Variants in ATG7 observed in about 807,000 individuals in gnomAD.
ATG7 encodes autophagy related 7, also known as ubiquitin-like modifier-activating enzyme ATG7.
In ATG7, 70 loss-of-function variants were observed where a neutral mutation model predicts 82.4. That is an observed-to-expected ratio of 0.85 (90% CI 0.70 to 1.04). The LOEUF (loss-of-function observed/expected upper bound fraction) is 1.04. Ranked by LOEUF, ATG7 falls within the 50% of genes least tolerant of loss-of-function variation. The pLI is 0.00. For synonymous variants in ATG7, 287 were observed against 313.0 expected (o/e 0.92, Z 0.88); for missense variants, 792 against 864.3 (o/e 0.92, Z 1.05).
At chr3:11,293,820 C>T (rs1015563238) in intron 3 of ATG7, among the ~76,000 whole-genome samples, 2 of 151,640 alleles carry the variant, frequency 1.3e-5, no homozygotes, top group Non-Finnish European at 2.9e-5. Flanking sequence ...CACTGCACTC[C>T]AGCCTGGGCA....
rs148465448 is a variant in ATG7, at chr3:11,423,414, G to C, written c.1957-3390G>C. On this transcript the variant is annotated intron_variant, in intron 19 of 20. Coordinates refer to ENST00000693202, the MANE Select transcript of ATG7 (RefSeq NM_001349232.2). The stretch of plus-strand genomic sequence containing the variant: ...GACAGAGACACGAAGTGAGCACATG[G>C]TGTTGGAAAAATGGTATTGATTCCT... Among the ~76,000 whole-genome samples the C allele has an allele frequency of 9.0e-3, 1,377 of 152,312 alleles. 28 individuals are homozygous for C. Among genetic ancestry groups the C allele is most frequent in the African/African-American group, 0.031 (1,304 of 41,556 alleles).
chr3:11,490,318 T>G (rs1183415768), intron 20 of ATG7, among the ~76,000 whole-genome samples: 1 of 152,266 alleles, frequency 6.6e-6, no homozygotes, highest in African/African-American at 2.4e-5. Context: ...GTTTTCCATT[T>G]GCTTGGTAGA....
intron 20 of ATG7, among the ~76,000 whole-genome samples, chr3:11,485,800 T>C (rs1217504084): frequency 2.0e-5 from 3 of 152,230 alleles, no homozygotes; most frequent in Non-Finnish European, 4.4e-5. Flanking sequence ...AAATAGGGAA[T>C]CCTTTCCCCA....
At chr3:11,313,182 G>A in intron 7 of ATG7, 122 bp from the exon 8 acceptor site, 1 of 566,404 alleles carries the variant, frequency 1.8e-6, no homozygotes, top group Non-Finnish European at 3.0e-6. Flanking sequence ...TTGATAAGCT[G>A]GACAGACTTT....
At chr3:11,537,047 C>A (rs1285972224) in intron 20 of ATG7, among the ~76,000 whole-genome samples, 1 of 152,150 alleles carries the variant, frequency 6.6e-6, no homozygotes, top group African/African-American at 2.4e-5. Flanking sequence ...CGCGGACCCT[C>A]TGATGGCAGA....
At chr3:11,382,551 TCTAAACA>T (rs1442667320) in intron 19 of ATG7, among the ~76,000 whole-genome samples, 1 of 152,246 alleles carries the variant, frequency 6.6e-6, no homozygotes, top group Non-Finnish European at 1.5e-5. Flanking sequence ...TGCAGAACTT[TCTAAACA>T]GATGGTATTT....
At position 11,309,461 on chromosome 3, in the gene ATG7, T is replaced by TG. The variant is rs768949691; in HGVS notation, c.411+400_411+401insG. Among the ~76,000 whole-genome samples the TG allele has an allele frequency of 4.4e-4, 59 of 133,342 alleles. No individual in the cohort carries two copies. In the South Asian group the frequency reaches 7.0e-3, roughly 16 times the overall value. 87.5% of individuals were successfully genotyped at this position (133,342 alleles called of 152,430 possible). ...CAAAATCGCTTGTTGATTTTTTTTT[T>TG]TTGTTTTTTTAAAGACAGAAACATG... On this transcript the variant is annotated intron_variant, in intron 7 of 20. Coordinates refer to ENST00000693202, the MANE Select transcript of ATG7 (RefSeq NM_001349232.2).
At chr3:11,410,384 CTTG>C (rs1484717994) in intron 19 of ATG7, among the ~76,000 whole-genome samples, 2 of 140,418 alleles carry the variant, frequency 1.4e-5, no homozygotes, top group South Asian at 2.1e-4. Flanking sequence ...AGAAATTTGT[CTTG>C]TTGACAAATG....
chr3:11,527,114 C>T (rs1460056319), intron 20 of ATG7, among the ~76,000 whole-genome samples: 2 of 147,098 alleles, frequency 1.4e-5, no homozygotes, highest in East Asian at 2.0e-4. Flanking sequence ...CATATACACA[C>T]ATTTTTTTGA....
chr3:11,527,131 G>T (rs528670801), intron 20 of ATG7, among the ~76,000 whole-genome samples: 1 of 150,360 alleles, frequency 6.7e-6, no homozygotes, highest in Admixed American at 6.7e-5. Flanking sequence ...TTGAGGTGGA[G>T]TCTCACTCTG....
chr3:11,542,026 C>T (rs529679481), intron 20 of ATG7, among the ~76,000 whole-genome samples: 1 of 152,246 alleles, frequency 6.6e-6, no homozygotes, highest in African/African-American at 2.4e-5. Flanking sequence ...GGCAAACAAG[C>T]CTGGGGCCCG....
At chr3:11,392,607 T>TC (rs1287847492) in intron 19 of ATG7, among the ~76,000 whole-genome samples, 1 of 152,138 alleles carries the variant, frequency 6.6e-6, no homozygotes, top group African/African-American at 2.4e-5. Context: ...CTCTGTAGCT[T>TC]CCTGTGGTTT....
chr3:11,389,661 G>GT (rs1341884490), intron 19 of ATG7, among the ~76,000 whole-genome samples: 1 of 152,126 alleles, frequency 6.6e-6, no homozygotes, highest in African/African-American at 2.4e-5. Context: ...AATTAGAGGA[G>GT]TCTTCTTGAC....
At chr3:11,568,882 CCCGGCCCCGCCCCGGGCCT>C in the ATG7 span, 3 of 1,337,260 alleles carry the variant, frequency 2.2e-6, no homozygotes, top group Non-Finnish European at 2.9e-6. This position sits in a 1 kb window ranked among gnomAD's most constrained non-coding sequence, Gnocchi z 5.9. Flanking sequence ...CTGCACGGCA[CCCGGCCCCGCCCCGGGCCT>C]CATCCCCATC....
At chr3:11,573,371 GAAAGAA>G in the ATG7 span, among the ~76,000 whole-genome samples, 96 of 141,996 alleles carry the variant, frequency 6.8e-4, 1 homozygote, top group African/African-American at 2.5e-3. Flanking sequence ...AAGAAAGAAA[GAAAGAA>G]AGAAAGAAAG....
At chr3:11,548,809 C>T (rs1273077182) in intron 20 of ATG7, among the ~76,000 whole-genome samples, 1 of 152,198 alleles carries the variant, frequency 6.6e-6, no homozygotes, top group Non-Finnish European at 1.5e-5. Context: ...CCAGTCTTTT[C>T]CTGTAAGAGA....
intron 20 of ATG7, among the ~76,000 whole-genome samples, chr3:11,527,003 TTACTA>T (rs1344222038): frequency 2.7e-5 from 4 of 150,440 alleles, no homozygotes; most frequent in African/African-American, 9.7e-5. Flanking sequence ...GTATATTAAA[TTACTA>T]TATATATAGT....
At chr3:11,311,361 T>G (rs1948636316) in intron 7 of ATG7, among the ~76,000 whole-genome samples, 1 of 152,048 alleles carries the variant, frequency 6.6e-6, no homozygotes, top group Non-Finnish European at 1.5e-5. Context: ...TCTAGCGATT[T>G]GGGAGGCCGA....
intron 19 of ATG7, among the ~76,000 whole-genome samples, chr3:11,418,881 AAG>A (rs761236228): frequency 4.0e-4 from 61 of 152,246 alleles, no homozygotes; most frequent in African/African-American, 1.2e-3. Flanking sequence ...CGGCAGGAGA[AAG>A]AGAGCAAAGG....
Sources: allele counts gnomAD v4.1 joint callset (sites outside exome capture counted in the v4.1 genomes callset), GRCh38; gene constraint gnomAD v4.1.1; non-coding constraint Gnocchi (gnomAD v3.1); transcripts MANE v1.5; gene names NCBI Gene and HGNC (gene_info 2026-07-23, HGNC 2026-07-21).